Variants in ADAM12 observed in about 807,000 individuals in gnomAD.
ADAM12 encodes the protein disintegrin and metalloproteinase domain-containing protein 12.
A neutral mutation model predicts 106.4 loss-of-function variants in ADAM12; 70 were observed. The observed-to-expected ratio is 0.66, with a 90% CI of 0.54 to 0.80. ADAM12 has a LOEUF of 0.80. Among genes scored for constraint, ADAM12 ranks in the 30% least tolerant of loss-of-function variants. ADAM12 has a pLI of 0.00. For synonymous variants in ADAM12, 420 were observed against 433.5 expected (o/e 0.97, Z 0.39); for missense variants, 1,010 against 1,171.9 (o/e 0.86, Z 2.02).
intron 3 of ADAM12, among the ~76,000 whole-genome samples, chr10:126,187,279 T>C (rs1442608456): frequency 6.6e-6 from 1 of 151,898 alleles, no homozygotes; most frequent in Non-Finnish European, 1.5e-5. Flanking sequence ...TTATTGTTCT[T>C]ATTACCTCTG....
intron 14 of ADAM12, among the ~76,000 whole-genome samples, chr10:126,058,126 T>G (rs1355173905): frequency 5.3e-5 from 8 of 152,188 alleles, no homozygotes; most frequent in Non-Finnish European, 1.0e-4. Flanking sequence ...AGCTTTGCCA[T>G]GGAGGCAGGG....
At chr10:126,172,653 T>C (rs996606079) in intron 3 of ADAM12, among the ~76,000 whole-genome samples, 4 of 152,190 alleles carry the variant, frequency 2.6e-5, no homozygotes, top group African/African-American at 9.6e-5. Flanking sequence ...TTTACACTGT[T>C]GGTGGGAGTG....
chr10:126,168,887 T>C (rs1468102487), intron 3 of ADAM12, among the ~76,000 whole-genome samples: 2 of 152,070 alleles, frequency 1.3e-5, no homozygotes, highest in African/African-American at 4.8e-5. Context: ...ACTCCATCTC[T>C]ACTAACAATA....
At chr10:126,203,399 C>T (rs556475190) in intron 3 of ADAM12, among the ~76,000 whole-genome samples, 52 of 152,242 alleles carry the variant, frequency 3.4e-4, no homozygotes, top group South Asian at 1.2e-3. Context: ...TTGCAACAGA[C>T]GTTTTATTTT....
intron 3 of ADAM12, among the ~76,000 whole-genome samples, chr10:126,209,446 A>G (rs957423343): frequency 6.6e-6 from 1 of 152,230 alleles, no homozygotes; most frequent in Non-Finnish European, 1.5e-5. Flanking sequence ...TAGAATTTAT[A>G]AGGATAATTG....
At chr10:126,099,413 C>T (rs1042783630) in intron 9 of ADAM12, among the ~76,000 whole-genome samples, 1 of 150,930 alleles carries the variant, frequency 6.6e-6, no homozygotes, top group African/African-American at 2.4e-5. Context: ...TCTCTATCCA[C>T]CTATCCCACT....
At chr10:126,125,903 A>G (rs767162646) in intron 5 of ADAM12, among the ~76,000 whole-genome samples, 36 of 151,734 alleles carry the variant, frequency 2.4e-4, no homozygotes, top group Non-Finnish European at 3.1e-4. Flanking sequence ...CGGGAGTGAC[A>G]TCTACAAGTC....
intron 3 of ADAM12, among the ~76,000 whole-genome samples, chr10:126,255,898 T>C (rs566335843): frequency 4.6e-5 from 7 of 152,286 alleles, no homozygotes; most frequent in African/African-American, 1.7e-4. Flanking sequence ...ATCCAGCTAG[T>C]GCAGGCTGTC....
chr10:126,233,393 C>A (rs1199630745), intron 3 of ADAM12, among the ~76,000 whole-genome samples: 1 of 152,150 alleles, frequency 6.6e-6, no homozygotes, highest in East Asian at 1.9e-4. Context: ...CAGCCTCAGA[C>A]AAGGTCCTGC....
chr10:126,184,134 C>T (rs1278380), intron 3 of ADAM12, among the ~76,000 whole-genome samples: 20,692 of 152,164 alleles, frequency 0.14, 2,214 homozygotes, highest in African/African-American at 0.3. Flanking sequence ...ATATTTCAGC[C>T]CCTTCCAAGA....
intron 3 of ADAM12, among the ~76,000 whole-genome samples, chr10:126,276,984 G>C (rs1201889096): frequency 6.6e-6 from 1 of 152,138 alleles, no homozygotes; most frequent in Admixed American, 6.6e-5. Context: ...AACCAGACGG[G>C]CTCTAAGAAA....
At chr10:126,241,895 T>C (rs1029547966) in intron 3 of ADAM12, among the ~76,000 whole-genome samples, 2 of 152,182 alleles carry the variant, frequency 1.3e-5, no homozygotes, top group Non-Finnish European at 1.5e-5. Flanking sequence ...TAGTCCATTT[T>C]ATAAATGCTA....
intron 2 of ADAM12, among the ~76,000 whole-genome samples, chr10:126,297,916 AG>A (rs1270041055): frequency 6.6e-6 from 1 of 152,184 alleles, no homozygotes; most frequent in Non-Finnish European, 1.5e-5. Context: ...TCACAAGGCA[AG>A]GAAGACAAAA....
intron 3 of ADAM12, among the ~76,000 whole-genome samples, chr10:126,171,336 AT>A (rs1270946199): frequency 6.6e-6 from 1 of 152,126 alleles, no homozygotes; most frequent in Non-Finnish European, 1.5e-5. Flanking sequence ...AAAAATAGAG[AT>A]CTTTAATAAG....
At chr10:126,183,556 G>C (rs1161066460) in intron 3 of ADAM12, among the ~76,000 whole-genome samples, 1 of 152,264 alleles carries the variant, frequency 6.6e-6, no homozygotes, top group African/African-American at 2.4e-5. Flanking sequence ...AAGTGGTGAA[G>C]TGCAGGCTTT....
At chr10:126,277,611 C>T (rs981344768) in intron 3 of ADAM12, among the ~76,000 whole-genome samples, 6 of 152,294 alleles carry the variant, frequency 3.9e-5, no homozygotes, top group African/African-American at 1.4e-4. Flanking sequence ...AAAATATGTA[C>T]TTTGCTAAGG....
At chr10:126,068,554 C>G (rs1043400707) in intron 12 of ADAM12, among the ~76,000 whole-genome samples, 2 of 152,200 alleles carry the variant, frequency 1.3e-5, no homozygotes, top group Admixed American at 6.5e-5. Flanking sequence ...GGAGATAAGG[C>G]TGCTTTCCCA....
chr10:126,264,902 C>A (rs748407466), intron 3 of ADAM12, among the ~76,000 whole-genome samples: 7 of 152,158 alleles, frequency 4.6e-5, no homozygotes, highest in African/African-American at 9.7e-5. Context: ...GTGAGGATGC[C>A]TTTGTCTTTA....
chr10:126,043,889 A>G lies in ADAM12; in HGVS notation c.1996-741T>C, dbSNP rs1369803377. On this transcript the variant is annotated intron_variant, in intron 17 of 22. Coordinates refer to ENST00000448723, the MANE Select transcript of ADAM12 (RefSeq NM_001288973.2). The surrounding 1 kb of genome is among the most constrained non-coding windows in gnomAD (Gnocchi z 4.1). ...GAGAATGGTTCTGGCACGGCGGGAA[A>G]GGGAGACCAAGAAAGCCCGAGGAGG... is the stretch of plus-strand genomic sequence containing the variant. Among the ~76,000 whole-genome samples the G allele has an allele frequency of 1.3e-5, 2 of 152,180 alleles. No individual in the cohort carries two copies. The highest frequency in any genetic ancestry group is 2.4e-5 in the African/African-American group (1 of 41,452).
Sources: allele counts gnomAD v4.1 joint callset (sites outside exome capture counted in the v4.1 genomes callset), GRCh38; gene constraint gnomAD v4.1.1; non-coding constraint Gnocchi (gnomAD v3.1); transcripts MANE v1.5; gene names NCBI Gene and HGNC (gene_info 2026-07-23, HGNC 2026-07-21).